SEPTIN5: variants seen among roughly 807,000 people sequenced by gnomAD.
SEPTIN5 encodes the protein septin-5.
In SEPTIN5, 16 loss-of-function variants were observed where a neutral mutation model predicts 51.2. The ratio of observed to expected loss-of-function variants is 0.31; its 90% CI spans 0.21 to 0.47. The LOEUF (loss-of-function observed/expected upper bound fraction) is 0.47, where lower values mean the gene tolerates loss of function less well. Among genes scored for constraint, SEPTIN5 ranks in the 20% least tolerant of loss-of-function variants. The pLI is 0.99. For missense variants in SEPTIN5, 376 were observed against 500.3 expected, an observed-to-expected ratio of 0.75 and a Z score of 2.37; for synonymous variants, 208 against 191.2, an observed-to-expected ratio of 1.09 and a Z score of -0.72.
Position 19,720,886 on chromosome 22 carries a change from G to A in SEPTIN5, c.717+17G>A, listed in dbSNP as rs1251146866. 7 of 1,605,400 alleles carry A rather than the reference G, an allele frequency of 4.4e-6. No individual in the cohort carries two copies. Among genetic ancestry groups the A allele is most frequent in the Admixed American group, 1.7e-5 (1 of 59,996 alleles). On this transcript the variant is annotated intron_variant, in intron 8 of 11. Coordinates refer to ENST00000455784, the MANE Select transcript of SEPTIN5 (RefSeq NM_002688.6). ...GAACTGAAGGTGAACATGCAGACTG[G>A]TGGGGCAGGGGGGATGGAGCTGGTG...
rs991559710 is a variant in SEPTIN5 at position 19,722,591 on chromosome 22, C to G, written c.*107C>G. The G allele has an allele frequency of 1.6e-6, 2 of 1,214,582 alleles. No homozygotes were observed. Among genetic ancestry groups the G allele is most frequent in the Admixed American group, 2.0e-5 (1 of 49,090 alleles). 75.2% of individuals were successfully genotyped at this position (1,214,582 alleles called of 1,614,324 possible). A position where few individuals can be genotyped will look rare whatever the true frequency, so the allele number is the denominator to read the frequency against. Reference sequence around the variant, plus strand: ...CGCGGGGCCACAGCCCCCAGCTGACCCTAATTTATTCTCAGCACCACCCCC... The same window carrying G: ...CGCGGGGCCACAGCCCCCAGCTGACGCTAATTTATTCTCAGCACCACCCCC... On this transcript the variant is annotated 3_prime_UTR_variant, in exon 12 of 12. Coordinates refer to ENST00000455784, the MANE Select transcript of SEPTIN5 (RefSeq NM_002688.6).
chr22:19,717,790 C>CT, intron 2 of SEPTIN5: 1 of 230,332 alleles, frequency 4.3e-6, no homozygotes, highest in Non-Finnish European at 8.8e-6. Flanking sequence ...CACACCCGCG[C>CT]ACACGCACAT....
Position 19,722,270 on chromosome 22 carries a change from C to A in SEPTIN5, c.984C>A (p.Pro328=). The change falls in exon 11 of 12, where the codon CCC becomes CCA. Residue 328 remains proline (P), a synonymous_variant. Transcript: ENST00000455784. The part of the protein sequence containing the change: ...KLTQDSRMES[P]IPILPLPTPD... The stretch of plus-strand genomic sequence containing the variant: ...CCCAGGACAGCCGCATGGAGAGCCC[C>A]ATCCCGATCCTGCCGCTGCCCACCC... 1 of 1,610,786 alleles carries A rather than the reference C, an allele frequency of 6.2e-7. No individual in the cohort carries two copies.
intron 2 of SEPTIN5, chr22:19,717,885 T>TAC (rs201895332): frequency 4.8e-5 from 8 of 165,068 alleles, no homozygotes; most frequent in Non-Finnish European, 7.9e-5. Flanking sequence ...ACACACACAT[T>TAC]ACACACACAC....
rs1324722296 is a variant in SEPTIN5, at chr22:19,714,705, T to C, written c.43+74T>C. On this transcript the variant is annotated intron_variant, in intron 1 of 11. Coordinates refer to ENST00000455784, the MANE Select transcript of SEPTIN5 (RefSeq NM_002688.6). This position sits in a 1 kb window ranked among gnomAD's most constrained non-coding sequence, Gnocchi z 5.2. ...GCCCGCGCGCCTCTCACCGTGTCTC[T>C]CCGTCTCTCCCCCGCCCGCCGGCCC... is the stretch of plus-strand genomic sequence containing the variant. 1.2e-5 allele frequency: 19 copies of C among 1,534,598 alleles called. No individual in the cohort carries two copies. Among genetic ancestry groups the C allele is most frequent in the East Asian group, 4.9e-5 (2 of 40,504 alleles).
chr22:19,722,414 G>T lies in SEPTIN5; in HGVS notation c.1054-14G>T. 1.9e-6 allele frequency: 3 copies of T among 1,598,644 alleles called. No individual in the cohort carries two copies. The highest frequency in any genetic ancestry group is 2.6e-6 in the Non-Finnish European group (3 of 1,173,046). ...CGCGGTGCTGCTCACCCGCCGGGTT[G>T]TCTCCGCCCGCAGCTGAGGCGCATG... On this transcript the variant is annotated splice_polypyrimidine_tract_variant and intron_variant, in intron 11 of 11. Coordinates refer to ENST00000455784, the MANE Select transcript of SEPTIN5 (RefSeq NM_002688.6).
In SEPTIN5 at chr22:19,720,390, C is replaced by A. The variant is rs764727636; in HGVS notation, c.433C>A (p.Arg145=). Residue 145 remains arginine, a synonymous_variant, in exon 6 of 12, where the codon CGA becomes AGA. Coordinates refer to ENST00000455784, the MANE Select transcript of SEPTIN5 (RefSeq NM_002688.6). ...QYFRDESGLN[R]KNIQDNRVHC... is the part of the protein sequence containing the mutation. ...CTTCCGTGATGAGAGCGGCCTCAAC[C>A]GAAAGAACATCCAAGACAACCGAGT... 1 of 1,614,004 alleles carries A rather than the reference C, an allele frequency of 6.2e-7. No homozygotes were observed. Among genetic ancestry groups the A allele is most frequent in the South Asian group, 1.1e-5 (1 of 91,088 alleles).
At chr22:19,721,085 G>A (rs1384034712) in intron 8 of SEPTIN5, among the ~76,000 whole-genome samples, 3 of 152,236 alleles carry the variant, frequency 2.0e-5, no homozygotes, top group Non-Finnish European at 2.9e-5. Flanking sequence ...GGTGGGTCAT[G>A]TGGGCCCCGT....
intron 2 of SEPTIN5, chr22:19,718,815 C>T (rs1935961682): frequency 8.1e-7 from 1 of 1,237,566 alleles, no homozygotes; most frequent in East Asian, 3.1e-5. Context: ...AGAGGCGGCT[C>T]AAGGTGCGTG....
chr22:19,722,071 GCC>G (rs34482134), intron 10 of SEPTIN5, 114 bp downstream of exon 10: 1 of 1,271,432 alleles, frequency 7.9e-7, no homozygotes, highest in East Asian at 2.6e-5. Flanking sequence ...CATTCCCTAA[GCC>G]CCCCCCCTCC....
chr22:19,715,541 G>A (rs374207837), intron 2 of SEPTIN5, among the ~76,000 whole-genome samples: 87 of 152,328 alleles, frequency 5.7e-4, no homozygotes, highest in Admixed American at 4.7e-3. Context: ...GGGCTGGGGG[G>A]GCTGGGGAAA....
chr22:19,717,097 T>G, intron 2 of SEPTIN5: 2 of 324,928 alleles, frequency 6.2e-6, no homozygotes, highest in Non-Finnish European at 1.2e-5. Flanking sequence ...GTGCCAGTGG[T>G]CCAGGCCCCA....
At chr22:19,721,013 G>A in intron 8 of SEPTIN5, 144 bp downstream of exon 8, 1 of 720,874 alleles carries the variant, frequency 1.4e-6, no homozygotes, top group Non-Finnish European at 2.5e-6. Context: ...TAGGAGTAGA[G>A]GACCTGTACC....
At position 19,720,826 on chromosome 22, in the gene SEPTIN5, C is replaced by A; in HGVS notation, c.674C>A (p.Ser225Ter). Residue 225 changes from serine (S) to a stop codon, truncating the protein, a stop_gained, in exon 8 of 12, where the codon TCG becomes TAG. Transcript: ENST00000455784. LOFTEE classifies it high-confidence loss of function. ...GTATACCAGTTCCCTGAGTGTGACT[C>A]GGACGAGGATGAGGACTTCAAGCAG... ...IHVYQFPECDSDEDEDFKQQD... is the reference protein window; with the variant it reads ...IHVYQFPECD 6.2e-7 allele frequency: 1 copy of A among 1,613,734 alleles called. No individual in the cohort carries two copies. Among genetic ancestry groups the A allele is most frequent in the Non-Finnish European group, 8.5e-7 (1 of 1,180,010 alleles).
At chr22:19,720,921 AC>A in intron 8 of SEPTIN5, 52 bp downstream of exon 8, 1 of 1,495,986 alleles carries the variant, frequency 6.7e-7, no homozygotes, top group Non-Finnish European at 9.3e-7. Context: ...GAGGGGCAGA[AC>A]CAGAGGGCTT....
rs1935890912 is a variant in SEPTIN5 at position 19,714,803 on chromosome 22, G to T, written c.54+12G>T. On this transcript the variant is annotated intron_variant, in intron 2 of 11. Transcript: ENST00000455784. The surrounding 1 kb of genome is among the most constrained non-coding windows in gnomAD (Gnocchi z 5.2). ...CAGAGGACAAGCAGGTACGTGCGCA[G>T]CGCCGCTCCCCCGCCGGGAGACCCG... is the stretch of plus-strand genomic sequence containing the variant. 1 of 1,591,848 alleles carries T rather than the reference G, an allele frequency of 6.3e-7. No individual in the cohort carries two copies. Among genetic ancestry groups the T allele is most frequent in the Admixed American group, 1.7e-5 (1 of 59,402 alleles).
At position 19,714,572 on chromosome 22, in the gene SEPTIN5, C is replaced by T. The variant is rs1006323220; in HGVS notation, c.-17C>T. The T allele has an allele frequency of 1.5e-5, 21 of 1,413,496 alleles. No individual in the cohort carries two copies. The Middle Eastern group carries it at 7.5e-4, about 51-fold the overall frequency. The allele number at this position is 1,413,496 out of a possible 1,614,324, so 87.6% of individuals were successfully genotyped here. ...CGCCCGCGAGCCCGCCCCGCACGTC[C>T]CCCGCCGGCGGCCACCATGAGCACA... On this transcript the variant is annotated 5_prime_UTR_variant, in exon 1 of 12. Transcript: ENST00000455784. The surrounding 1 kb of genome is among the most constrained non-coding windows in gnomAD (Gnocchi z 5.2).
In SEPTIN5 at chr22:19,722,413, T is replaced by A. The variant is rs1446276831; in HGVS notation, c.1054-15T>A. The A allele has an allele frequency of 1.3e-6, 2 of 1,598,558 alleles. No homozygotes were observed. The highest frequency in any genetic ancestry group is 1.7e-6 in the Non-Finnish European group (2 of 1,172,982). On this transcript the variant is annotated splice_polypyrimidine_tract_variant and intron_variant, in intron 11 of 11. Coordinates refer to ENST00000455784, the MANE Select transcript of SEPTIN5 (RefSeq NM_002688.6). Reference sequence around the variant, plus strand: ...CCGCGGTGCTGCTCACCCGCCGGGTTGTCTCCGCCCGCAGCTGAGGCGCAT... The same window carrying A: ...CCGCGGTGCTGCTCACCCGCCGGGTAGTCTCCGCCCGCAGCTGAGGCGCAT...
chr22:19,721,964 G>C lies in SEPTIN5; in HGVS notation c.950+7G>C, dbSNP rs754615114. The C allele has an allele frequency of 6.3e-6, 10 of 1,599,922 alleles. No homozygotes were observed. Among genetic ancestry groups the C allele is most frequent in the African/African-American group, 2.7e-5 (2 of 74,744 alleles). On this transcript the variant is annotated splice_region_variant and intron_variant, in intron 10 of 11. Transcript: ENST00000455784. Reference sequence around the variant, plus strand: ...GCATCCAGCAGATGACCAGGTGCGCGCCCCAGCCGCGAGCCAGACCTCGCC... The same window carrying C: ...GCATCCAGCAGATGACCAGGTGCGCCCCCCAGCCGCGAGCCAGACCTCGCC...
Sources: gnomAD v4.1 joint callset for allele counts (sites outside exome capture counted in the v4.1 genomes callset) on GRCh38, gnomAD v4.1.1 for gene constraint, Gnocchi (gnomAD v3.1) non-coding constraint, MANE v1.5 for transcripts, NCBI Gene and HGNC (gene_info 2026-07-23, HGNC 2026-07-21) for gene names.